The following KCNIP1 variants were observed in gnomAD, a reference collection of about 807,000 sequenced individuals.
KCNIP1 encodes the protein potassium voltage-gated channel interacting protein 1.
Under a neutral mutation model 33.0 loss-of-function variants are expected in KCNIP1, and 18 were observed. That is an observed-to-expected ratio of 0.55 (90% CI 0.38 to 0.81). The LOEUF is 0.81. Among genes scored for constraint, KCNIP1 ranks in the 30% least tolerant of loss-of-function variants. The pLI is 0.00. For synonymous variants in KCNIP1, 93 were observed against 98.3 expected, an observed-to-expected ratio of 0.95 and a Z score of 0.32; for missense variants, 238 against 271.6, an observed-to-expected ratio of 0.88 and a Z score of 0.87.
chr5:170,716,012 G>A lies in KCNIP1; in HGVS notation c.62-2746G>A, dbSNP rs1763632993. Among the ~76,000 whole-genome samples the A allele has an allele frequency of 2.0e-5, 3 of 152,312 alleles. No homozygotes were observed. In the South Asian group the frequency reaches 6.2e-4, roughly 32 times the overall value. On this transcript the variant is annotated intron_variant, in intron 1 of 7. Transcript: ENST00000328939. ...AGGGAATCCCCAGGTGGCAACAGGA[G>A]GGTGGTGAAAACCGCTGCCCGTCAC...
At chr5:170,686,025 G>A (rs1762525426) in intron 1 of KCNIP1, among the ~76,000 whole-genome samples, 1 of 152,052 alleles carries the variant, frequency 6.6e-6, no homozygotes, top group Non-Finnish European at 1.5e-5. Context: ...CTACAGATCA[G>A]GTGAAAGTAC....
chr5:170,518,865 C>T (rs1237528184), intron 1 of KCNIP1, among the ~76,000 whole-genome samples: 4 of 152,132 alleles, frequency 2.6e-5, no homozygotes, highest in Non-Finnish European at 5.9e-5. Context: ...TCCAAGCCTC[C>T]CTCCTCAGTG....
chr5:170,696,918 A>G (rs1219852295), intron 1 of KCNIP1, among the ~76,000 whole-genome samples: 1 of 152,068 alleles, frequency 6.6e-6, no homozygotes, highest in African/African-American at 2.4e-5. Flanking sequence ...AGTCAGATGT[A>G]CTTCCCTAGA....
intron 1 of KCNIP1, among the ~76,000 whole-genome samples, chr5:170,460,061 C>T (rs1317340299): frequency 6.6e-6 from 1 of 152,128 alleles, no homozygotes; most frequent in Admixed American, 6.5e-5. Context: ...ACTCTGAACA[C>T]CTTTATGTGC....
intron 1 of KCNIP1, among the ~76,000 whole-genome samples, chr5:170,356,067 C>T (rs1763339360): frequency 6.6e-6 from 1 of 152,186 alleles, no homozygotes; most frequent in Non-Finnish European, 1.5e-5. Flanking sequence ...GGAGCAGGGC[C>T]AGGCTGGGAG....
chr5:170,468,616 C>G (rs1179478621), intron 1 of KCNIP1, among the ~76,000 whole-genome samples: 3 of 152,122 alleles, frequency 2.0e-5, no homozygotes, highest in Non-Finnish European at 2.9e-5. Flanking sequence ...TGCAGTGGCT[C>G]TCTCCTGTAA....
intron 1 of KCNIP1, among the ~76,000 whole-genome samples, chr5:170,629,396 A>G (rs1759963644): frequency 6.6e-6 from 1 of 152,190 alleles, no homozygotes; most frequent in Admixed American, 6.5e-5. Context: ...CTCCCCCAGG[A>G]CCTGCTCCAC....
intron 1 of KCNIP1, among the ~76,000 whole-genome samples, chr5:170,443,428 A>C (rs1425609274): frequency 2.6e-5 from 4 of 152,222 alleles, no homozygotes; most frequent in Non-Finnish European, 5.9e-5. Context: ...GGAAGAAAGC[A>C]GGGCTGGCCT....
At chr5:170,726,547 G>A (rs867923733) in intron 5 of KCNIP1, among the ~76,000 whole-genome samples, 18 of 152,024 alleles carry the variant, frequency 1.2e-4, no homozygotes, top group Non-Finnish European at 2.2e-4. Context: ...GTACAAACAC[G>A]TTGGGAAACA....
At chr5:170,516,685 T>C (rs1160721054) in intron 1 of KCNIP1, among the ~76,000 whole-genome samples, 2 of 152,102 alleles carry the variant, frequency 1.3e-5, no homozygotes, top group East Asian at 1.9e-4. Flanking sequence ...GAAAAAGATA[T>C]GGTGTGTTGG....
At chr5:170,643,551 A>G (rs572719661) in intron 1 of KCNIP1, among the ~76,000 whole-genome samples, 12 of 152,312 alleles carry the variant, frequency 7.9e-5, no homozygotes, top group Non-Finnish European at 1.5e-4. Context: ...GACTCCTGAA[A>G]TCAGGGACCA....
intron 1 of KCNIP1, among the ~76,000 whole-genome samples, chr5:170,554,253 C>G (rs1364690181): frequency 6.6e-6 from 1 of 152,048 alleles, no homozygotes; most frequent in African/African-American, 2.4e-5. Context: ...TAGCAGGTGG[C>G]CCAGAATGGG....
At chr5:170,398,941 G>A (rs765679613) in intron 1 of KCNIP1, among the ~76,000 whole-genome samples, 7 of 152,168 alleles carry the variant, frequency 4.6e-5, no homozygotes, top group Non-Finnish European at 5.9e-5. Flanking sequence ...TGGATCTCAC[G>A]CAGGAAATAA....
At chr5:170,421,396 C>T (rs138719823) in intron 1 of KCNIP1, among the ~76,000 whole-genome samples, 202 of 152,304 alleles carry the variant, frequency 1.3e-3, no homozygotes, top group African/African-American at 4.6e-3. Flanking sequence ...ACAGTAAAAA[C>T]CTTTCTTCTG....
chr5:170,422,732 A>C (rs1262846823), intron 1 of KCNIP1: 1 of 152,240 alleles, frequency 6.6e-6, no homozygotes, highest in East Asian at 1.9e-4. Context: ...GATATATAAC[A>C]AAACAGACTT....
intron 1 of KCNIP1, among the ~76,000 whole-genome samples, chr5:170,590,543 C>G (rs947327065): frequency 6.6e-6 from 1 of 152,060 alleles, no homozygotes; most frequent in Non-Finnish European, 1.5e-5. Flanking sequence ...GGGGCAGGCA[C>G]TAGGTCAGAG....
intron 1 of KCNIP1, among the ~76,000 whole-genome samples, chr5:170,659,366 G>A (rs1353383757): frequency 6.6e-6 from 1 of 152,148 alleles, no homozygotes; most frequent in Non-Finnish European, 1.5e-5. Context: ...TAATGACAAA[G>A]GCATGGGTGG....
At chr5:170,727,673 A>T (rs1056498286) in intron 5 of KCNIP1, among the ~76,000 whole-genome samples, 1 of 152,234 alleles carries the variant, frequency 6.6e-6, no homozygotes, top group Non-Finnish European at 1.5e-5. Context: ...TTAAAGGCTC[A>T]TACCTGTAAT....
intron 1 of KCNIP1, among the ~76,000 whole-genome samples, chr5:170,547,477 C>T (rs1309477578): frequency 6.6e-6 from 1 of 152,034 alleles, no homozygotes; most frequent in African/African-American, 2.4e-5. Flanking sequence ...TTTCATCATC[C>T]ACATATTAAG....
Sources: gnomAD v4.1 joint callset for allele counts (sites outside exome capture counted in the v4.1 genomes callset) on GRCh38, gnomAD v4.1.1 for gene constraint, MANE v1.5 for transcripts, NCBI Gene and HGNC (gene_info 2026-07-23, HGNC 2026-07-21) for gene names.